GPC5: variants seen among roughly 807,000 people sequenced by gnomAD.
The protein encoded by GPC5 is glypican 5, also known as glypican-5.
Under a neutral mutation model 53.9 loss-of-function variants are expected in GPC5, and 47 were observed. The ratio of observed to expected loss-of-function variants is 0.87; its 90% CI spans 0.69 to 1.11. The LOEUF is 1.11. Ranked by LOEUF, GPC5 falls within the 50% of genes most tolerant of loss-of-function variation. GPC5 has a pLI of 0.00. For missense variants in GPC5, 748 were observed against 713.1 expected, an observed-to-expected ratio of 1.05 and a Z score of -0.56; for synonymous variants, 286 against 263.3, an observed-to-expected ratio of 1.09 and a Z score of -0.84.
At chr13:91,457,716 GTATCT>G (rs1233655662) in intron 2 of GPC5, among the ~76,000 whole-genome samples, 7 of 152,140 alleles carry the variant, frequency 4.6e-5, no homozygotes, top group Admixed American at 2.0e-4. Context: ...AGTAAAACTT[GTATCT>G]ATGATGGTGT....
Position 91,570,141 on chromosome 13 carries a change from A to G in GPC5, c.325+121219A>G, listed in dbSNP as rs140460704. 2.4e-3 allele frequency among the ~76,000 whole-genome samples: 361 copies of G among 152,318 alleles called. 8 individuals are homozygous for G. The highest frequency in any genetic ancestry group is 0.018 in the Admixed American group (281 of 15,284). ...CTATTGAACTATAAAAGTCGCCATA[A>G]ACAAACTTTTAAAATTTTGTGTCTA... On this transcript the variant is annotated intron_variant, in intron 2 of 7. Transcript: ENST00000377067.
At chr13:92,465,583 C>T (rs906188004) in intron 7 of GPC5, among the ~76,000 whole-genome samples, 1 of 151,922 alleles carries the variant, frequency 6.6e-6, no homozygotes, top group Non-Finnish European at 1.5e-5. Flanking sequence ...GAAAACCAAA[C>T]CATGTGTATA....
intron 6 of GPC5, chr13:91,996,503 C>T (rs1216225269): frequency 1.3e-5 from 2 of 152,180 alleles, no homozygotes; most frequent in Non-Finnish European, 2.9e-5. Context: ...GCAAATCCTA[C>T]AGAAGTAAGT....
intron 2 of GPC5, among the ~76,000 whole-genome samples, chr13:91,532,626 G>A (rs1886403306): frequency 6.6e-6 from 1 of 152,176 alleles, no homozygotes; most frequent in South Asian, 2.1e-4. Context: ...AGCACTTCGG[G>A]AGGCTGAGGC....
At chr13:92,232,798 G>C (rs1464115899) in intron 7 of GPC5, among the ~76,000 whole-genome samples, 1 of 152,146 alleles carries the variant, frequency 6.6e-6, no homozygotes, top group Non-Finnish European at 1.5e-5. Flanking sequence ...TAATTTGTGA[G>C]ATATACCTTC....
At chr13:92,241,092 C>T (rs534337035) in intron 7 of GPC5, 125 of 152,114 alleles carry the variant, frequency 8.2e-4, no homozygotes, top group African/African-American at 2.8e-3. Flanking sequence ...AGCAAGTCCC[C>T]AATTAACAAA....
At chr13:92,847,531 A>G (rs1218221047) in intron 7 of GPC5, among the ~76,000 whole-genome samples, 1 of 151,868 alleles carries the variant, frequency 6.6e-6, no homozygotes, top group East Asian at 1.9e-4. Flanking sequence ...TTCTCCAGCC[A>G]TGTACCTACT....
chr13:92,098,714 A>G (rs1675778968), intron 6 of GPC5, among the ~76,000 whole-genome samples: 2 of 152,296 alleles, frequency 1.3e-5, no homozygotes, highest in Middle Eastern at 3.4e-3. Context: ...ACATTAGTCT[A>G]TCTTATCCAG....
intron 2 of GPC5, among the ~76,000 whole-genome samples, chr13:91,566,130 G>A (rs1446961253): frequency 6.6e-6 from 1 of 152,010 alleles, no homozygotes; most frequent in Non-Finnish European, 1.5e-5. Context: ...ACATGTGTAG[G>A]CTTCAAGTGG....
chr13:92,349,213 G>T (rs9589519), intron 7 of GPC5, among the ~76,000 whole-genome samples: 1 of 152,038 alleles, frequency 6.6e-6, no homozygotes, highest in Non-Finnish European at 1.5e-5. Flanking sequence ...GCACGATCTC[G>T]GCTCACTGCA....
chr13:92,866,598 C>A lies in GPC5; in HGVS notation c.*159C>A. 1.9e-6 allele frequency: 1 copy of A among 523,522 alleles called. No individual in the cohort carries two copies. Among genetic ancestry groups the A allele is most frequent in the Non-Finnish European group, 3.1e-6 (1 of 318,386 alleles). 32.4% of individuals were successfully genotyped at this position (523,522 alleles called of 1,614,324 possible). On this transcript the variant is annotated 3_prime_UTR_variant, in exon 8 of 8. Coordinates refer to ENST00000377067, the MANE Select transcript of GPC5 (RefSeq NM_004466.6). The stretch of plus-strand genomic sequence containing the variant: ...AGCCAAGCTGAAATATTCATAAAGT[C>A]CCTAAAACTCAACGTTTAAATGACA...
intron 7 of GPC5, among the ~76,000 whole-genome samples, chr13:92,860,492 T>C (rs1250248743): frequency 6.6e-6 from 1 of 152,160 alleles, no homozygotes; most frequent in Non-Finnish European, 1.5e-5. Flanking sequence ...TCATATTTAC[T>C]AGGAGACATG....
chr13:91,403,940 C>T (rs1204335711), intron 1 of GPC5, among the ~76,000 whole-genome samples: 1 of 152,152 alleles, frequency 6.6e-6, no homozygotes, highest in Non-Finnish European at 1.5e-5. Flanking sequence ...TATATGTCCC[C>T]ATTCTCTCTC....
chr13:91,989,504 C>T (rs936968412), intron 6 of GPC5, among the ~76,000 whole-genome samples: 4 of 152,140 alleles, frequency 2.6e-5, no homozygotes, highest in Non-Finnish European at 5.9e-5. Flanking sequence ...CATGCTAAAA[C>T]ATTGAGATGT....
At chr13:92,676,958 G>A (rs1252294251) in intron 7 of GPC5, among the ~76,000 whole-genome samples, 1 of 151,942 alleles carries the variant, frequency 6.6e-6, no homozygotes, top group East Asian at 1.9e-4. Context: ...CCAATATTTT[G>A]ATATAAGTCC....
intron 6 of GPC5, among the ~76,000 whole-genome samples, chr13:91,921,778 TA>T (rs765456378): frequency 3.9e-4 from 43 of 109,802 alleles, no homozygotes; most frequent in Admixed American, 5.8e-4. Flanking sequence ...AGACTGCCTT[TA>T]AAAAAAAAAA....
At chr13:91,683,833 A>G (rs189881519) in intron 2 of GPC5, among the ~76,000 whole-genome samples, 6 of 152,310 alleles carry the variant, frequency 3.9e-5, no homozygotes, top group Admixed American at 1.3e-4. Context: ...TACAAGCAAA[A>G]TGTTTGACCT....
intron 2 of GPC5, among the ~76,000 whole-genome samples, chr13:91,664,254 G>A (rs1056435361): frequency 3.3e-5 from 5 of 152,168 alleles, no homozygotes; most frequent in African/African-American, 1.2e-4. Flanking sequence ...ACGCTAGGAG[G>A]GATCAGATGT....
chr13:91,852,311 A>G (rs1251132664), intron 5 of GPC5, among the ~76,000 whole-genome samples: 2 of 152,126 alleles, frequency 1.3e-5, no homozygotes, highest in East Asian at 3.8e-4. Flanking sequence ...ACACACGGTC[A>G]GGATCATCAA....
Sources: allele counts gnomAD v4.1 joint callset (sites outside exome capture counted in the v4.1 genomes callset), GRCh38; gene constraint gnomAD v4.1.1; transcripts MANE v1.5; gene names NCBI Gene and HGNC (gene_info 2026-07-23, HGNC 2026-07-21).